OXR1: variants seen among roughly 807,000 people sequenced by gnomAD.
OXR1 encodes the protein oxidation resistance 1.
In OXR1, 41 loss-of-function variants were observed where a neutral mutation model predicts 104.6. That is an observed-to-expected ratio of 0.39 (90% CI 0.31 to 0.51). The LOEUF (loss-of-function observed/expected upper bound fraction) is 0.51, where lower values mean the gene tolerates loss of function less well. Ranked by LOEUF, OXR1 falls within the 20% of genes least tolerant of loss-of-function variation. The pLI, the probability that OXR1 is intolerant of heterozygous loss-of-function variation, is 0.77. For missense variants in OXR1, 955 were observed against 1,031.9 expected (o/e 0.93, Z 1.02); for synonymous variants, 348 against 348.4 (o/e 1.00, Z 0.01).
At chr8:106,427,755 G>C (rs1276434691) in intron 2 of OXR1, among the ~76,000 whole-genome samples, 1 of 152,228 alleles carries the variant, frequency 6.6e-6, no homozygotes, top group Non-Finnish European at 1.5e-5. Context: ...AAATGTCTTA[G>C]ATGAAAGGCT....
intron 11 of OXR1, among the ~76,000 whole-genome samples, chr8:106,735,311 AATAT>A (rs1321539505): frequency 6.6e-6 from 1 of 152,068 alleles, no homozygotes; most frequent in Non-Finnish European, 1.5e-5. Context: ...CCTAGAAAAA[AATAT>A]AATTGAAAAA....
At chr8:106,642,758 G>C (rs927273626) in intron 3 of OXR1, among the ~76,000 whole-genome samples, 1 of 152,218 alleles carries the variant, frequency 6.6e-6, no homozygotes, top group African/African-American at 2.4e-5. Flanking sequence ...GTAGTTAGGC[G>C]AATAGCCCGA....
At chr8:106,606,374 C>T (rs908452270) in intron 3 of OXR1, among the ~76,000 whole-genome samples, 1 of 151,702 alleles carries the variant, frequency 6.6e-6, no homozygotes, top group African/African-American at 2.4e-5. Flanking sequence ...AATCTCGGAT[C>T]ACTGCAACCA....
At chr8:106,370,114 A>C (rs563604958) in intron 2 of OXR1, among the ~76,000 whole-genome samples, 1 of 152,188 alleles carries the variant, frequency 6.6e-6, no homozygotes, top group South Asian at 2.1e-4. Context: ...GGTCCTTCAC[A>C]TCCCTTCTTA....
At chr8:106,316,083 G>C (rs1443205063) in intron 1 of OXR1, among the ~76,000 whole-genome samples, 1 of 152,116 alleles carries the variant, frequency 6.6e-6, no homozygotes, top group Non-Finnish European at 1.5e-5. Context: ...GTAGTAAGTC[G>C]ACAGTGCATT....
chr8:106,276,633 T>C (rs191041096), intron 1 of OXR1, among the ~76,000 whole-genome samples: 32 of 152,246 alleles, frequency 2.1e-4, no homozygotes, highest in Non-Finnish European at 1.5e-5. Context: ...CAAACCTCTT[T>C]CTCAAGAGCA....
At chr8:106,471,048 T>C (rs573148924) in intron 2 of OXR1, among the ~76,000 whole-genome samples, 1 of 151,778 alleles carries the variant, frequency 6.6e-6, no homozygotes, top group East Asian at 1.9e-4. Context: ...GAGTCCATGC[T>C]TTTGAGGTGT....
At chr8:106,444,302 C>G (rs1347957957) in intron 2 of OXR1, among the ~76,000 whole-genome samples, 1 of 152,124 alleles carries the variant, frequency 6.6e-6, no homozygotes, top group Non-Finnish European at 1.5e-5. Context: ...GGATCTAGAA[C>G]CAGAAATAAC....
At chr8:106,477,288 C>T in intron 2 of OXR1, among the ~76,000 whole-genome samples, 1 of 151,884 alleles carries the variant, frequency 6.6e-6, no homozygotes, top group East Asian at 1.9e-4. Flanking sequence ...ACAGACTGCT[C>T]ACACAGAGAC....
In OXR1 at chr8:106,551,829, T is replaced by C. The variant is rs140773671; in HGVS notation, c.220+32690T>C. ...ATATATATATACACACACACACACATATATATATGTGTACATATATGTGTA... is the reference window on the plus strand; with the variant it reads ...ATATATATATACACACACACACACACATATATATGTGTACATATATGTGTA... On this transcript the variant is annotated intron_variant, in intron 3 of 16. Transcript: ENST00000517566. Among the ~76,000 whole-genome samples the C allele has an allele frequency of 4.9e-3, 431 of 87,122 alleles. 8 individuals carry two copies. In the East Asian group the frequency reaches 0.12, roughly 24 times the overall value. 57.2% of individuals were successfully genotyped at this position (87,122 alleles called of 152,430 possible). A position where few individuals can be genotyped will look rare whatever the true frequency, so the allele number is the denominator to read the frequency against.
rs5893799 is a variant in OXR1 at position 106,662,839 on chromosome 8, GGATGATGAT to G, written c.221-16340_221-16332del. On this transcript the variant is annotated intron_variant, in intron 3 of 16. Transcript: ENST00000517566. ...GGGGTAATGTCTATTTCAGTAAATG[GGATGATGAT>G]GATGATGATGATGATGATGATGATG... Among the ~76,000 whole-genome samples the G allele has an allele frequency of 4.6e-3, 689 of 149,116 alleles. 7 individuals are homozygous for G. Among genetic ancestry groups the G allele is most frequent in the African/African-American group, 0.015 (613 of 40,718 alleles).
intron 1 of OXR1, among the ~76,000 whole-genome samples, chr8:106,307,385 A>G (rs1239882394): frequency 6.6e-6 from 1 of 152,094 alleles, no homozygotes; most frequent in African/African-American, 2.4e-5. Flanking sequence ...TTGCCCCTCT[A>G]GCCTTATATT....
chr8:106,645,152 T>G (rs938549523), intron 3 of OXR1, among the ~76,000 whole-genome samples: 46 of 152,220 alleles, frequency 3.0e-4, no homozygotes, highest in African/African-American at 1.1e-3. Flanking sequence ...TTACATATCA[T>G]GCAGTGTGTT....
At chr8:106,740,245 C>A in intron 13 of OXR1, 98 bp from the exon 14 acceptor site, 12 of 748,734 alleles carry the variant, frequency 1.6e-5, no homozygotes, top group South Asian at 8.9e-5. Flanking sequence ...TTTTTATAGC[C>A]TATATTATAT....
rs530431419 is a variant in OXR1, at chr8:106,614,816, A to AGT, written c.221-64383_221-64382dup. On this transcript the variant is annotated intron_variant, in intron 3 of 16. Coordinates refer to ENST00000517566, the MANE Select transcript of OXR1 (RefSeq NM_001198533.2). Reference sequence around the variant, plus strand: ...AATTCATAGGTGTGTTTGATATGGCAGTGTGTGTGTGTATGGTTTTATAAC... The same window carrying AGT: ...AATTCATAGGTGTGTTTGATATGGCAGTGTGTGTGTGTGTATGGTTTTATAAC... Among the ~76,000 whole-genome samples the AGT allele has an allele frequency of 2.0e-4, 31 of 152,192 alleles. No homozygotes were observed. The South Asian group carries it at 5.8e-3, about 29-fold the overall frequency.
At position 106,290,117 on chromosome 8, in the gene OXR1, G is replaced by A. The variant is rs563419500; in HGVS notation, c.-139+19750G>A. ...AGAATGGACTAATACACACATAGACGAATGGAACAGGGTAAAAATCTCAGA... is the reference window on the plus strand; with the variant it reads ...AGAATGGACTAATACACACATAGACAAATGGAACAGGGTAAAAATCTCAGA... On this transcript the variant is annotated intron_variant, in intron 1 of 16. Transcript: ENST00000517566. Among the ~76,000 whole-genome samples the A allele has an allele frequency of 3.3e-4, 50 of 152,122 alleles. No individual in the cohort carries two copies. In the South Asian group the frequency reaches 8.9e-3, roughly 27 times the overall value.
At chr8:106,571,435 A>T (rs1817463148) in intron 3 of OXR1, among the ~76,000 whole-genome samples, 1 of 151,968 alleles carries the variant, frequency 6.6e-6, no homozygotes, top group Admixed American at 6.6e-5. Context: ...CCTCAACTAA[A>T]CCTAATTATA....
intron 2 of OXR1, among the ~76,000 whole-genome samples, chr8:106,452,479 T>C (rs770659354): frequency 5.3e-5 from 8 of 152,204 alleles, no homozygotes; most frequent in Admixed American, 1.3e-4. Context: ...TCATATCTTG[T>C]TATCTTTACC....
At chr8:106,382,035 T>C (rs1293181809) in intron 2 of OXR1, among the ~76,000 whole-genome samples, 2 of 152,234 alleles carry the variant, frequency 1.3e-5, no homozygotes, top group Non-Finnish European at 2.9e-5. Context: ...GGTTTATATA[T>C]GAAGCTTTCT....
Sources: gnomAD v4.1 joint callset for allele counts (sites outside exome capture counted in the v4.1 genomes callset) on GRCh38, gnomAD v4.1.1 for gene constraint, MANE v1.5 for transcripts, NCBI Gene and HGNC (gene_info 2026-07-23, HGNC 2026-07-21) for gene names.